The following ADAMTSL3 variants were observed in gnomAD, a reference collection of about 807,000 sequenced individuals.
The protein encoded by ADAMTSL3 is ADAMTS like 3.
ADAMTSL3 carries 128 observed loss-of-function variants against 201.7 expected under a neutral mutation model. That is an observed-to-expected ratio of 0.63 (90% CI 0.55 to 0.73). The LOEUF is 0.73. Ranked by LOEUF, ADAMTSL3 falls within the 30% of genes least tolerant of loss-of-function variation. The probability of loss-of-function intolerance (pLI) is 0.00; values close to 1 mark genes in which losing one functional copy is unlikely to be tolerated. For missense variants in ADAMTSL3, 1,990 were observed against 2,119.6 expected, an observed-to-expected ratio of 0.94 and a Z score of 1.20; for synonymous variants, 738 against 748.4, an observed-to-expected ratio of 0.99 and a Z score of 0.23.
intron 3 of ADAMTSL3, among the ~76,000 whole-genome samples, chr15:83,750,238 C>T (rs2062617530): frequency 6.6e-6 from 1 of 152,152 alleles, no homozygotes; most frequent in Non-Finnish European, 1.5e-5. Flanking sequence ...AACACAGCTA[C>T]CTGGAATACA....
intron 16 of ADAMTSL3, among the ~76,000 whole-genome samples, chr15:83,914,722 A>G (rs2065997252): frequency 6.6e-6 from 1 of 152,216 alleles, no homozygotes; most frequent in Admixed American, 6.5e-5. Flanking sequence ...TTCCCTCCAC[A>G]GCACATTGTC....
At chr15:83,827,099 A>G (rs2064040645) in intron 6 of ADAMTSL3, among the ~76,000 whole-genome samples, 1 of 152,186 alleles carries the variant, frequency 6.6e-6, no homozygotes, top group South Asian at 2.1e-4. Context: ...GACTTCCACA[A>G]TGGTTGAACC....
chr15:83,941,423 A>G (rs1309119357), intron 17 of ADAMTSL3, among the ~76,000 whole-genome samples: 1 of 152,134 alleles, frequency 6.6e-6, no homozygotes, highest in East Asian at 1.9e-4. Context: ...AAGAATAAAG[A>G]AAATAAAAAT....
intron 4 of ADAMTSL3, among the ~76,000 whole-genome samples, chr15:83,791,547 T>C (rs1249759332): frequency 6.6e-6 from 1 of 151,990 alleles, no homozygotes; most frequent in African/African-American, 2.4e-5. Context: ...AGAATGAAAT[T>C]ATTTCATACC....
chr15:83,655,369 G>A (rs188865456), intron 1 of ADAMTSL3, among the ~76,000 whole-genome samples: 1 of 152,142 alleles, frequency 6.6e-6, no homozygotes, highest in African/African-American at 2.4e-5. Flanking sequence ...TTTTTGCCGC[G>A]AGCAGCAGAA....
intron 6 of ADAMTSL3, among the ~76,000 whole-genome samples, chr15:83,826,030 T>C (rs1332683684): frequency 6.6e-6 from 1 of 152,106 alleles, no homozygotes; most frequent in Non-Finnish European, 1.5e-5. Flanking sequence ...CAGTAGAAGG[T>C]CAAGTATGGG....
intron 2 of ADAMTSL3, among the ~76,000 whole-genome samples, chr15:83,666,792 C>G (rs1333279912): frequency 1.3e-5 from 2 of 151,144 alleles, no homozygotes; most frequent in Non-Finnish European, 2.9e-5. Context: ...GCAGTGAGCT[C>G]TGATTGTGCC....
At chr15:83,798,571 G>T (rs2063466143) in intron 4 of ADAMTSL3, among the ~76,000 whole-genome samples, 2 of 152,110 alleles carry the variant, frequency 1.3e-5, no homozygotes. Flanking sequence ...ACTTTGGGAG[G>T]CCGAGGCGGG....
At chr15:83,808,177 CAA>C (rs1311402116) in intron 5 of ADAMTSL3, among the ~76,000 whole-genome samples, 3 of 151,920 alleles carry the variant, frequency 2.0e-5, no homozygotes, top group East Asian at 1.9e-4. Context: ...TCGAAGGAAA[CAA>C]GAGTAAAGAG....
intron 15 of ADAMTSL3, among the ~76,000 whole-genome samples, chr15:83,911,709 G>A (rs1252684440): frequency 2.6e-5 from 4 of 152,150 alleles, no homozygotes; most frequent in Admixed American, 1.3e-4. Flanking sequence ...CTGCTGATTG[G>A]GGGTGTGCTT....
intron 15 of ADAMTSL3, among the ~76,000 whole-genome samples, chr15:83,905,774 T>C (rs2065820640): frequency 6.6e-6 from 1 of 152,204 alleles, no homozygotes; most frequent in Non-Finnish European, 1.5e-5. Flanking sequence ...GGGCCAGGGA[T>C]AAGCATTTAA....
At chr15:83,759,504 C>T (rs534047113) in intron 3 of ADAMTSL3, among the ~76,000 whole-genome samples, 108 of 152,298 alleles carry the variant, frequency 7.1e-4, no homozygotes, top group African/African-American at 2.4e-3. Context: ...GAATTACAGG[C>T]GTGAGCCACT....
intron 2 of ADAMTSL3, among the ~76,000 whole-genome samples, chr15:83,672,112 T>A (rs895790958): frequency 8.5e-5 from 13 of 152,200 alleles, no homozygotes; most frequent in African/African-American, 2.7e-4. Context: ...CTGGGCATTT[T>A]AAACCCTGTC....
At chr15:83,745,699 C>T (rs1011031318) in intron 3 of ADAMTSL3, among the ~76,000 whole-genome samples, 2 of 152,094 alleles carry the variant, frequency 1.3e-5, no homozygotes, top group South Asian at 2.1e-4. Context: ...AGTTCCCAGT[C>T]GAGAAGGGGG....
chr15:83,790,684 A>C lies in ADAMTSL3; in HGVS notation c.318-13966A>C, dbSNP rs144295877. Among the ~76,000 whole-genome samples the C allele has an allele frequency of 2.6e-5, 4 of 152,200 alleles. No individual in the cohort carries two copies. In the East Asian group the frequency reaches 7.7e-4, roughly 29 times the overall value. Reference sequence around the variant, plus strand: ...ATAAGGTAGGGTTGTCTGTCTCACCACTCTTACCATAGGAGAAGAAAAATA... The same window carrying C: ...ATAAGGTAGGGTTGTCTGTCTCACCCCTCTTACCATAGGAGAAGAAAAATA... On this transcript the variant is annotated intron_variant, in intron 4 of 29. Transcript: ENST00000286744.
At chr15:83,865,597 T>A (rs1484372426) in intron 8 of ADAMTSL3, among the ~76,000 whole-genome samples, 19 of 152,174 alleles carry the variant, frequency 1.2e-4, no homozygotes, top group Admixed American at 1.1e-3. Context: ...CCTTGCACCT[T>A]ATACAAAAAT....
In ADAMTSL3 at chr15:83,991,305, G is replaced by A; in HGVS notation, c.3973+91G>A. The A allele has an allele frequency of 5.1e-6, 8 of 1,580,780 alleles. No homozygotes were observed. In the South Asian group the frequency reaches 6.9e-5, roughly 14 times the overall value. The stretch of plus-strand genomic sequence containing the variant: ...CCAGGAAACACCAGCTGGCATTTTG[G>A]TATTCGAGACCTCAGCCTGATAGGC... On this transcript the variant is annotated intron_variant, in intron 23 of 29. Coordinates refer to ENST00000286744, the MANE Select transcript of ADAMTSL3 (RefSeq NM_207517.3).
At chr15:83,867,380 G>A (rs76417101) in intron 8 of ADAMTSL3, among the ~76,000 whole-genome samples, 3,805 of 152,250 alleles carry the variant, frequency 0.025, 166 homozygotes, top group African/African-American at 0.086. Context: ...AATTTTCCAG[G>A]AGTGCATCCC....
intron 9 of ADAMTSL3, among the ~76,000 whole-genome samples, chr15:83,877,825 G>A (rs2065204701): frequency 6.6e-6 from 1 of 151,788 alleles, no homozygotes; most frequent in Admixed American, 6.5e-5. Context: ...ATTTTCAGGT[G>A]TTGGTTATTT....
Sources: gnomAD v4.1 joint callset for allele counts (sites outside exome capture counted in the v4.1 genomes callset) on GRCh38, gnomAD v4.1.1 for gene constraint, MANE v1.5 for transcripts, NCBI Gene and HGNC (gene_info 2026-07-23, HGNC 2026-07-21) for gene names.